Variants in EMP1 observed in about 807,000 individuals in gnomAD.
EMP1 encodes the protein epithelial membrane protein 1.
A neutral mutation model predicts 15.7 loss-of-function variants in EMP1; 5 were observed. The observed-to-expected ratio is 0.32, with a 90% CI of 0.17 to 0.67. EMP1 has a LOEUF of 0.67. Among genes scored for constraint, EMP1 ranks in the 30% least tolerant of loss-of-function variants. The probability of loss-of-function intolerance (pLI) is 0.74; values close to 1 mark genes in which losing one functional copy is unlikely to be tolerated. For synonymous variants in EMP1, 78 were observed against 76.7 expected, an observed-to-expected ratio of 1.02 and a Z score of -0.09; for missense variants, 166 against 194.2, an observed-to-expected ratio of 0.85 and a Z score of 0.86.
chr12:13,213,733 C>T lies in EMP1; in HGVS notation c.228C>T (p.Val76=), dbSNP rs761713014. 1.2e-5 allele frequency: 20 copies of T among 1,614,214 alleles called. No homozygotes were observed. In the South Asian group the frequency reaches 1.9e-4, roughly 15 times the overall value. Residue 76 remains valine, a synonymous_variant, in exon 4 of 5, where the codon GTC becomes GTT. Transcript: ENST00000256951. ...TGATTCTCTCTATCATCTTCTGTGTCATTGCCCTCCTGGTCTTCGTGTTCC... is the reference window on the plus strand; with the variant it reads ...TGATTCTCTCTATCATCTTCTGTGTTATTGCCCTCCTGGTCTTCGTGTTCC... The part of the protein sequence containing the change: ...AFMILSIIFC[V]IALLVFVFQL...
chr12:13,216,371 G>A lies in EMP1; in HGVS notation c.*1680G>A. ...TTTCTCTATGTTTATTCTAGTTAAG[G>A]AAATGTTGAGGGCAAGCCACCAAAT... is the stretch of plus-strand genomic sequence containing the variant. On this transcript the variant is annotated 3_prime_UTR_variant, in exon 5 of 5. Coordinates refer to ENST00000256951, the MANE Select transcript of EMP1 (RefSeq NM_001423.3). 2.8e-6 allele frequency: 2 copies of A among 702,122 alleles called. No homozygotes were observed. Among genetic ancestry groups the A allele is most frequent in the East Asian group, 2.7e-5 (1 of 37,238 alleles). The allele number at this position is 702,122 out of a possible 1,614,324, so 43.5% of individuals were successfully genotyped here. A position where few individuals can be genotyped will look rare whatever the true frequency, so the allele number is the denominator to read the frequency against.
At chr12:13,197,088 C>T (rs1371969547) in intron 1 of EMP1, among the ~76,000 whole-genome samples, 1 of 152,136 alleles carries the variant, frequency 6.6e-6, no homozygotes, top group South Asian at 2.1e-4. Context: ...ATTTTGAGGA[C>T]GGAGTCTGGG....
At chr12:13,213,040 T>G (rs1864180652) in intron 2 of EMP1, among the ~76,000 whole-genome samples, 1 of 152,256 alleles carries the variant, frequency 6.6e-6, no homozygotes, top group Admixed American at 6.5e-5. Context: ...TGTTTCTTAA[T>G]TGTTTCCAGT....
chr12:13,209,675 C>T (rs1302861124), intron 1 of EMP1: 1 of 152,166 alleles, frequency 6.6e-6, no homozygotes, highest in Non-Finnish European at 1.5e-5. Flanking sequence ...GCGACTTCCA[C>T]TTTCTAAATG....
At chr12:13,209,234 TC>T (rs1290008447) in intron 1 of EMP1, 1 of 152,234 alleles carries the variant, frequency 6.6e-6, no homozygotes, top group Non-Finnish European at 1.5e-5. Flanking sequence ...ATCAGCCTGT[TC>T]CTTTCCCCAT....
In EMP1 at chr12:13,219,465, C is replaced by T. The variant is rs551521330; in HGVS notation, c.*4774C>T. 2.0e-5 allele frequency: 3 copies of T among 152,328 alleles called. No individual in the cohort carries two copies. Among genetic ancestry groups the T allele is most frequent in the African/African-American group, 7.2e-5 (3 of 41,564 alleles). 9.4% of individuals were successfully genotyped at this position (152,328 alleles called of 1,614,324 possible). On this transcript the variant is annotated 3_prime_UTR_variant, in exon 5 of 5. Transcript: ENST00000256951. ...TCTTCCTGTCTTCTTCTGAGCCCTC[C>T]AAACTCTTCCAACCTCTACCCGTTA...
chr12:13,201,310 G>C (rs1199883031), intron 1 of EMP1, among the ~76,000 whole-genome samples: 1 of 152,160 alleles, frequency 6.6e-6, no homozygotes, highest in Non-Finnish European at 1.5e-5. Flanking sequence ...GGGAAGCTGA[G>C]GCAGGAGGAT....
Position 13,213,819 on chromosome 12 carries a change from G to T in EMP1, c.314G>T (p.Cys105Phe). 6.2e-7 allele frequency: 1 copy of T among 1,613,824 alleles called. No homozygotes were observed. Among genetic ancestry groups the T allele is most frequent in the Non-Finnish European group, 8.5e-7 (1 of 1,180,034 alleles). The change falls in exon 4 of 5, where the codon TGC (cysteine) becomes TTC (phenylalanine). Residue 105 changes from cysteine (C) to phenylalanine (F), a missense_variant and splice_region_variant. By Grantham distance (205) the Cys-to-Phe change is radical (BLOSUM62 -2). Transcript: ENST00000256951. ...FFLSGATTLV[C>F]WLCILVGVSI... The stretch of plus-strand genomic sequence containing the variant: ...CTCTCAGGGGCCACCACACTGGTGT[G>T]CTGTGAGTATCTCATGGGTAGACTC...
In EMP1 at chr12:13,211,492, CA is replaced by C. The variant is rs561332299; in HGVS notation, c.-9del. 1.4e-3 allele frequency: 1,806 copies of C among 1,318,962 alleles called. No homozygotes were observed. Among genetic ancestry groups the C allele is most frequent in the Admixed American group, 5.9e-3 (293 of 49,876 alleles). 81.7% of individuals were successfully genotyped at this position (1,318,962 alleles called of 1,614,324 possible). A position where few individuals can be genotyped will look rare whatever the true frequency, so the allele number is the denominator to read the frequency against. ...AGAACTCTCTTTGCTCACAAGTTAC[CA>C]AAAAAAAAAGAGCCAACATGTTGGT... On this transcript the variant is annotated 5_prime_UTR_variant, in exon 2 of 5. Coordinates refer to ENST00000256951, the MANE Select transcript of EMP1 (RefSeq NM_001423.3). This position sits in a 1 kb window ranked among gnomAD's most constrained non-coding sequence, Gnocchi z 4.7.
In EMP1 at chr12:13,203,186, G is replaced by A. The variant is rs543989236; in HGVS notation, c.-43+6314G>A. On this transcript the variant is annotated intron_variant, in intron 1 of 4. Coordinates refer to ENST00000256951, the MANE Select transcript of EMP1 (RefSeq NM_001423.3). ...CATCTACTGTTGGTCCCACCCAAGCGCCGCTGGGGCCGGGCCACACCTAGG... is the reference window on the plus strand; with the variant it reads ...CATCTACTGTTGGTCCCACCCAAGCACCGCTGGGGCCGGGCCACACCTAGG... Among the ~76,000 whole-genome samples the A allele has an allele frequency of 7.9e-5, 12 of 152,288 alleles. No homozygotes were observed. In the South Asian group the frequency reaches 2.5e-3, roughly 32 times the overall value.
At chr12:13,209,737 G>A (rs1864147271) in intron 1 of EMP1, among the ~76,000 whole-genome samples, 1 of 152,042 alleles carries the variant, frequency 6.6e-6, no homozygotes, top group African/African-American at 2.4e-5. Context: ...TTCATCCTCT[G>A]TCTGATTCAA....
intron 2 of EMP1, 31 bp from the exon 3 acceptor site, chr12:13,213,448 C>T (rs753403539): frequency 7.5e-6 from 12 of 1,596,432 alleles, no homozygotes; most frequent in Non-Finnish European, 1.0e-5. Flanking sequence ...GGCCAGCTTT[C>T]AATTAACATT....
intron 1 of EMP1, among the ~76,000 whole-genome samples, chr12:13,200,644 C>T (rs1864057383): frequency 6.6e-6 from 1 of 152,248 alleles, no homozygotes; most frequent in African/African-American, 2.4e-5. Flanking sequence ...TGCAACAATT[C>T]AGTCCCTGGT....
In EMP1 at chr12:13,210,678, C is replaced by T. The variant is rs139762731; in HGVS notation, c.-42-791C>T. On this transcript the variant is annotated intron_variant, in intron 1 of 4. Coordinates refer to ENST00000256951, the MANE Select transcript of EMP1 (RefSeq NM_001423.3). ...GCACATTTGGTGCTATCTCAAGTTG[C>T]ATTACTTTTAAAGCCCCCAGAACCA... Among the ~76,000 whole-genome samples the T allele has an allele frequency of 2.6e-3, 396 of 152,304 alleles. 1 individual carries two copies. The highest frequency in any genetic ancestry group is 9.0e-3 in the African/African-American group (376 of 41,560).
intron 1 of EMP1, among the ~76,000 whole-genome samples, chr12:13,203,715 A>T (rs1416188620): frequency 6.6e-6 from 1 of 152,252 alleles, no homozygotes; most frequent in Non-Finnish European, 1.5e-5. Flanking sequence ...TACAGGTCAC[A>T]GTTCAGACAT....
At chr12:13,213,623 G>A (rs764712996) in intron 3 of EMP1, 48 bp downstream of exon 3, 6 of 1,614,114 alleles carry the variant, frequency 3.7e-6, no homozygotes, top group Non-Finnish European at 5.1e-6. Context: ...TGTGGTCAGG[G>A]AATGTTCAGC....
intron 1 of EMP1, among the ~76,000 whole-genome samples, chr12:13,210,475 A>G (rs965682876): frequency 1.3e-5 from 2 of 152,218 alleles, no homozygotes. Flanking sequence ...CCTAGGCTTT[A>G]TGATCAATGG....
intron 1 of EMP1, chr12:13,209,398 T>G (rs1257178830): frequency 6.6e-6 from 1 of 152,106 alleles, no homozygotes; most frequent in African/African-American, 2.4e-5. Flanking sequence ...AATGACAATT[T>G]CTAAGAGGAC....
At chr12:13,197,850 G>C (rs1418368623) in intron 1 of EMP1, among the ~76,000 whole-genome samples, 2 of 152,146 alleles carry the variant, frequency 1.3e-5, no homozygotes. Context: ...GAGGCAAATG[G>C]TGTTTTAAAT....
Sources: allele counts gnomAD v4.1 joint callset (sites outside exome capture counted in the v4.1 genomes callset), GRCh38; gene constraint gnomAD v4.1.1; non-coding constraint Gnocchi (gnomAD v3.1); transcripts MANE v1.5; gene names NCBI Gene and HGNC (gene_info 2026-07-23, HGNC 2026-07-21).